ADARB2: variants seen among roughly 807,000 people sequenced by gnomAD.
The protein encoded by ADARB2 is inactive double-stranded RNA-specific editase B2.
ADARB2 carries 25 observed loss-of-function variants against 62.2 expected under a neutral mutation model. That is an observed-to-expected ratio of 0.40 (90% CI 0.29 to 0.56). The LOEUF (loss-of-function observed/expected upper bound fraction) is 0.56, where lower values mean the gene tolerates loss of function less well. Among genes scored for constraint, ADARB2 ranks in the 20% least tolerant of loss-of-function variants. ADARB2 has a pLI of 0.43. For missense variants in ADARB2, 1,071 were observed against 1,077.4 expected (o/e 0.99, Z 0.08); for synonymous variants, 572 against 500.8 (o/e 1.14, Z -1.90).
intron 1 of ADARB2, among the ~76,000 whole-genome samples, chr10:1,597,028 A>C (rs1056627243): frequency 1.3e-5 from 2 of 152,174 alleles, no homozygotes; most frequent in South Asian, 2.1e-4. Flanking sequence ...CACGAGACTC[A>C]AGAAAGTTCA....
intron 5 of ADARB2, among the ~76,000 whole-genome samples, chr10:1,235,053 T>C (rs1472119783): frequency 6.6e-6 from 1 of 152,302 alleles, no homozygotes; most frequent in Admixed American, 6.5e-5. Flanking sequence ...GGCCCCACCA[T>C]GATCTTTTAC....
intron 4 of ADARB2, among the ~76,000 whole-genome samples, chr10:1,267,285 T>G (rs192030138): frequency 5.3e-4 from 81 of 152,250 alleles, no homozygotes; most frequent in African/African-American, 1.8e-3. Flanking sequence ...AAGCTTAGAA[T>G]TCCCCCCTGG....
chr10:1,299,336 ACGTGGC>A (rs1323066619), intron 3 of ADARB2, among the ~76,000 whole-genome samples: 1 of 152,056 alleles, frequency 6.6e-6, no homozygotes, highest in Non-Finnish European at 1.5e-5. Flanking sequence ...GGGGACGTGG[ACGTGGC>A]CACAGCCCCA....
At chr10:1,324,804 T>G (rs1309186897) in intron 3 of ADARB2, among the ~76,000 whole-genome samples, 2 of 152,118 alleles carry the variant, frequency 1.3e-5, no homozygotes, top group Admixed American at 6.5e-5. Context: ...GTCCTGACAG[T>G]GCAGGTGGGC....
chr10:1,574,233 G>T (rs2131994966), intron 1 of ADARB2, among the ~76,000 whole-genome samples: 1 of 152,202 alleles, frequency 6.6e-6, no homozygotes, highest in East Asian at 1.9e-4. Context: ...ACAGCATGAA[G>T]GAAACAGCCG....
intron 1 of ADARB2, among the ~76,000 whole-genome samples, chr10:1,682,068 G>A (rs1479374961): frequency 1.3e-5 from 2 of 152,184 alleles, no homozygotes; most frequent in African/African-American, 2.4e-5. Flanking sequence ...CTGGCACAAA[G>A]AGATATTTAA....
In ADARB2 at chr10:1,540,623, C is replaced by A. The variant is rs1410287626; in HGVS notation, c.101-161463G>T. On this transcript the variant is annotated intron_variant, in intron 1 of 9. Transcript: ENST00000381312. ...ACCCCACTCAGACGCAGTTCGGACCCTGGATCACAGCCGTCCAGACCCCAC... is the reference window on the plus strand; with the variant it reads ...ACCCCACTCAGACGCAGTTCGGACCATGGATCACAGCCGTCCAGACCCCAC... Among the ~76,000 whole-genome samples, 9 of 89,390 alleles carry A rather than the reference C, an allele frequency of 1.0e-4. 2 individuals carry two copies. Among genetic ancestry groups the A allele is most frequent in the Non-Finnish European group, 1.7e-4 (7 of 41,078 alleles). The allele number at this position is 89,390 out of a possible 152,430, so 58.6% of individuals were successfully genotyped here.
At chr10:1,257,283 G>A (rs574416167) in intron 4 of ADARB2, among the ~76,000 whole-genome samples, 25 of 152,284 alleles carry the variant, frequency 1.6e-4, no homozygotes, top group African/African-American at 5.8e-4. Flanking sequence ...AGGCCGCCCT[G>A]AACCCACTGT....
chr10:1,595,106 C>T (rs1236839670), intron 1 of ADARB2, among the ~76,000 whole-genome samples: 4 of 152,200 alleles, frequency 2.6e-5, no homozygotes, highest in East Asian at 1.9e-4. Context: ...GAATGTCATA[C>T]GGAAGCTGAG....
At chr10:1,518,996 A>C (rs1341422881) in intron 1 of ADARB2, among the ~76,000 whole-genome samples, 1 of 151,946 alleles carries the variant, frequency 6.6e-6, no homozygotes, top group African/African-American at 2.4e-5. Flanking sequence ...ATATGCCTGC[A>C]TTCCATGTAA....
At chr10:1,245,249 A>G (rs1036157259) in intron 4 of ADARB2, among the ~76,000 whole-genome samples, 2 of 152,146 alleles carry the variant, frequency 1.3e-5, no homozygotes, top group African/African-American at 4.8e-5. Context: ...GAGGGAGAGG[A>G]AGAAGCCAGA....
At position 1,245,275 on chromosome 10, in the gene ADARB2, C is replaced by G. The variant is rs141941326; in HGVS notation, c.1193-2976G>C. On this transcript the variant is annotated intron_variant, in intron 4 of 9. Coordinates refer to ENST00000381312, the MANE Select transcript of ADARB2 (RefSeq NM_018702.4). ...AGAAGCCAGAAAATGTGCTTGAGTA[C>G]CACACATTACAAATGAGAAATAGGA... Among the ~76,000 whole-genome samples, 479 of 152,196 alleles carry G rather than the reference C, an allele frequency of 3.1e-3. 3 individuals are homozygous for G. The highest frequency in any genetic ancestry group is 0.011 in the African/African-American group (458 of 41,524).
At chr10:1,213,533 C>A (rs1270093050) in intron 7 of ADARB2, among the ~76,000 whole-genome samples, 1 of 152,176 alleles carries the variant, frequency 6.6e-6, no homozygotes, top group Non-Finnish European at 1.5e-5. Flanking sequence ...TGTCCTGTCA[C>A]CAGACTCGGG....
chr10:1,328,655 A>G (rs1831899341), intron 3 of ADARB2, among the ~76,000 whole-genome samples: 2 of 152,180 alleles, frequency 1.3e-5, no homozygotes, highest in South Asian at 2.1e-4. Context: ...ATCCCCCTCC[A>G]GAGCTTGGCA....
intron 1 of ADARB2, among the ~76,000 whole-genome samples, chr10:1,565,572 A>T (rs1286795384): frequency 6.6e-6 from 1 of 152,140 alleles, no homozygotes; most frequent in Non-Finnish European, 1.5e-5. Flanking sequence ...ATTAGGGAGC[A>T]TTTTTGAAAG....
intron 1 of ADARB2, among the ~76,000 whole-genome samples, chr10:1,599,742 GT>G (rs1419256814): frequency 2.0e-5 from 3 of 151,856 alleles, no homozygotes; most frequent in African/African-American, 7.3e-5. Flanking sequence ...GTGAAACTTT[GT>G]TTTTTTTCTC....
intron 1 of ADARB2, among the ~76,000 whole-genome samples, chr10:1,531,125 C>T (rs17293886): frequency 0.31 from 47,315 of 152,172 alleles, 8,417 homozygotes; most frequent in East Asian, 0.6. Context: ...GGATGTCCTG[C>T]CCGTGGGCCA....
intron 3 of ADARB2, among the ~76,000 whole-genome samples, chr10:1,342,595 G>A (rs541516995): frequency 1.3e-5 from 2 of 152,268 alleles, no homozygotes; most frequent in South Asian, 4.2e-4. Context: ...TGGGTGGGGT[G>A]GGGGTGGAAA....
intron 3 of ADARB2, among the ~76,000 whole-genome samples, chr10:1,337,062 C>CTCTGTGTGTTTGTG (rs1554755014): frequency 1.1e-4 from 16 of 142,048 alleles, no homozygotes; most frequent in African/African-American, 4.3e-4. Flanking sequence ...TTAAAGATTT[C>CTCTGTGTGTTTGTG]TGTGTGTGTG....
Sources: gnomAD v4.1 joint callset for allele counts (sites outside exome capture counted in the v4.1 genomes callset) on GRCh38, gnomAD v4.1.1 for gene constraint, MANE v1.5 for transcripts, NCBI Gene and HGNC (gene_info 2026-07-23, HGNC 2026-07-21) for gene names.